RBFOX1: variants seen among roughly 807,000 people sequenced by gnomAD.
RBFOX1 encodes the protein RNA binding fox-1 homolog 1.
In RBFOX1, 8 loss-of-function variants were observed where a neutral mutation model predicts 57.7. The observed-to-expected ratio is 0.14, with a 90% CI of 0.08 to 0.25. The LOEUF is 0.25. RBFOX1 is among the 10% of genes least tolerant of loss of function. The pLI is 1.00. For synonymous variants in RBFOX1, 326 were observed against 222.4 expected (o/e 1.47, Z -4.15); for missense variants, 611 against 548.5 (o/e 1.11, Z -1.14).
At chr16:7,032,138 A>G (rs2042957947) in intron 3 of RBFOX1, among the ~76,000 whole-genome samples, 1 of 152,050 alleles carries the variant, frequency 6.6e-6, no homozygotes, top group Non-Finnish European at 1.5e-5. Context: ...TAAAAATCTT[A>G]TCTTGGCGGG....
At chr16:6,294,746 C>G (rs752237330) in intron 1 of RBFOX1, among the ~76,000 whole-genome samples, 3 of 152,282 alleles carry the variant, frequency 2.0e-5, no homozygotes, top group South Asian at 4.1e-4. Flanking sequence ...TGATATCACT[C>G]TGTTAAAATG....
At chr16:6,735,260 G>C (rs1015149491) in intron 3 of RBFOX1, among the ~76,000 whole-genome samples, 2 of 152,190 alleles carry the variant, frequency 1.3e-5, no homozygotes, top group Admixed American at 6.5e-5. Flanking sequence ...TGGGAGTTAA[G>C]TACACTTGCC....
At chr16:5,908,507 C>T (rs1381562981) in intron 4 of RBFOX1, among the ~76,000 whole-genome samples, 1 of 151,848 alleles carries the variant, frequency 6.6e-6, no homozygotes, top group Non-Finnish European at 1.5e-5. Flanking sequence ...TGCCTGCCAC[C>T]ATGCCCGGCT....
intron 3 of RBFOX1, among the ~76,000 whole-genome samples, chr16:6,994,141 C>G (rs1192757786): frequency 6.6e-6 from 1 of 152,030 alleles, no homozygotes; most frequent in African/African-American, 2.4e-5. Context: ...GGGAATTGCG[C>G]TTGGGGTATT....
intron 2 of RBFOX1, among the ~76,000 whole-genome samples, chr16:6,616,478 C>T (rs947947147): frequency 4.6e-5 from 7 of 152,014 alleles, no homozygotes; most frequent in African/African-American, 1.7e-4. Flanking sequence ...AGATCGAGAC[C>T]ATCCTGGCTA....
intron 1 of RBFOX1, among the ~76,000 whole-genome samples, chr16:5,341,562 G>A (rs755507289): frequency 6.6e-6 from 1 of 152,186 alleles, no homozygotes; most frequent in African/African-American, 2.4e-5. Context: ...TTTGAGCCAT[G>A]GCCCAGCTTC....
chr16:5,904,916 G>A (rs2058413209), intron 4 of RBFOX1, among the ~76,000 whole-genome samples: 1 of 145,744 alleles, frequency 6.9e-6, no homozygotes, highest in Non-Finnish European at 1.5e-5. Flanking sequence ...GGCGGAGCTT[G>A]CAGTGAGCCG....
chr16:6,088,867 C>T (rs1030458786), intron 1 of RBFOX1, among the ~76,000 whole-genome samples: 4 of 151,972 alleles, frequency 2.6e-5, no homozygotes, highest in Admixed American at 1.3e-4. Flanking sequence ...GAGACCAAGG[C>T]GGGCATATCA....
chr16:6,254,519 C>T (rs1309286614), intron 1 of RBFOX1, among the ~76,000 whole-genome samples: 1 of 152,010 alleles, frequency 6.6e-6, no homozygotes, highest in Non-Finnish European at 1.5e-5. Flanking sequence ...GAAGCTTGAT[C>T]CCAAGGTCAT....
chr16:7,155,217 A>T (rs72765519), intron 4 of RBFOX1, among the ~76,000 whole-genome samples: 43,670 of 151,854 alleles, frequency 0.29, 7,732 homozygotes, highest in Admixed American at 0.43. Flanking sequence ...TTAGCTTTTT[A>T]AAAAAATTAA....
chr16:7,009,845 G>A (rs2093563445), intron 3 of RBFOX1, among the ~76,000 whole-genome samples: 1 of 152,128 alleles, frequency 6.6e-6, no homozygotes, highest in African/African-American at 2.4e-5. Context: ...TTTAATCAAA[G>A]CAAACTACGA....
At chr16:5,740,074 C>T (rs62014077) in intron 3 of RBFOX1, among the ~76,000 whole-genome samples, 23,173 of 152,102 alleles carry the variant, frequency 0.15, 2,025 homozygotes, top group African/African-American at 0.23. Flanking sequence ...AGAAGCCCAA[C>T]GCTTGTTGGC....
At chr16:6,070,768 T>C (rs11643534) in intron 1 of RBFOX1, among the ~76,000 whole-genome samples, 130,777 of 151,716 alleles carry the variant, frequency 0.86, 56,752 homozygotes, top group East Asian at 0.92. Context: ...TCCTCTAGTT[T>C]CCCCAAGAAG....
intron 1 of RBFOX1, among the ~76,000 whole-genome samples, chr16:5,312,479 C>G (rs761832167): frequency 1.3e-5 from 2 of 152,026 alleles, no homozygotes; most frequent in Non-Finnish European, 2.9e-5. Context: ...CCCGTGACCA[C>G]TAAATTTTGT....
intron 3 of RBFOX1, among the ~76,000 whole-genome samples, chr16:5,831,167 C>G (rs754692102): frequency 2.0e-5 from 3 of 152,130 alleles, no homozygotes; most frequent in Non-Finnish European, 4.4e-5. Flanking sequence ...GTAATTCCCA[C>G]CAATTCCAGT....
At chr16:6,692,445 T>C (rs1323612842) in intron 3 of RBFOX1, among the ~76,000 whole-genome samples, 1 of 152,190 alleles carries the variant, frequency 6.6e-6, no homozygotes, top group Admixed American at 6.5e-5. Flanking sequence ...TACATTATTC[T>C]TCCTAGAACA....
intron 2 of RBFOX1, among the ~76,000 whole-genome samples, chr16:6,438,439 G>A (rs1439020342): frequency 6.6e-6 from 1 of 152,146 alleles, no homozygotes; most frequent in Admixed American, 6.5e-5. Flanking sequence ...ACCACATCCT[G>A]TAGCCTCTTG....
intron 4 of RBFOX1, among the ~76,000 whole-genome samples, chr16:7,160,727 G>A (rs1357349367): frequency 6.6e-6 from 1 of 151,850 alleles, no homozygotes; most frequent in East Asian, 1.9e-4. Flanking sequence ...TTTTCAGGCA[G>A]TTTCTTAACA....
chr16:7,573,462 T>A (rs62011665), intron 5 of RBFOX1, among the ~76,000 whole-genome samples: 39,871 of 152,138 alleles, frequency 0.26, 6,209 homozygotes, highest in Non-Finnish European at 0.34. Context: ...CTCTGAATTT[T>A]CTGCATGGCT....
Sources: allele counts gnomAD v4.1 joint callset (sites outside exome capture counted in the v4.1 genomes callset), GRCh38; gene constraint gnomAD v4.1.1; transcripts MANE v1.5; gene names NCBI Gene and HGNC (gene_info 2026-07-23, HGNC 2026-07-21).